Variants in PIGN observed in about 807,000 individuals in gnomAD.
PIGN encodes the protein GPI ethanolamine phosphate transferase 1.
A neutral mutation model predicts 125.4 loss-of-function variants in PIGN; 117 were observed. That is an observed-to-expected ratio of 0.93 (90% CI 0.80 to 1.09). The LOEUF (loss-of-function observed/expected upper bound fraction) is 1.09, where lower values mean the gene tolerates loss of function less well. Among genes scored for constraint, PIGN ranks in the 50% least tolerant of loss-of-function variants. PIGN has a pLI of 0.00. For missense variants in PIGN, 1,075 were observed against 1,094.9 expected (o/e 0.98, Z 0.26); for synonymous variants, 392 against 377.8 (o/e 1.04, Z -0.44).
intron 11 of PIGN, among the ~76,000 whole-genome samples, chr18:62,142,798 T>C (rs2036185019): frequency 2.0e-5 from 3 of 152,264 alleles, no homozygotes; most frequent in Admixed American, 2.0e-4. Context: ...GATCTAACTT[T>C]ATCAGATTGG....
intron 17 of PIGN, among the ~76,000 whole-genome samples, chr18:62,109,414 G>C (rs1402560112): frequency 6.6e-6 from 1 of 152,166 alleles, no homozygotes; most frequent in African/African-American, 2.4e-5. Flanking sequence ...CAATCGCTAG[G>C]AAAGGAGGAG....
chr18:62,161,106 T>C lies in PIGN; in HGVS notation c.221+27A>G, dbSNP rs760786621. On this transcript the variant is annotated intron_variant, in intron 4 of 30. Coordinates refer to ENST00000640252, the MANE Select transcript of PIGN (RefSeq NM_176787.5). ...TAACTCAGAATAACATTTTAAGAGA[T>C]GTCTCTGTATCAGTTTACATGCTTA... 1.3e-5 allele frequency: 18 copies of C among 1,411,296 alleles called. No homozygotes were observed. The South Asian group carries it at 1.3e-4, about 10-fold the overall frequency. The allele number at this position is 1,411,296 out of a possible 1,614,324, so 87.4% of individuals were successfully genotyped here.
chr18:62,166,833 C>T (rs916656403), intron 1 of PIGN, among the ~76,000 whole-genome samples: 1 of 152,086 alleles, frequency 6.6e-6, no homozygotes, highest in African/African-American at 2.4e-5. Flanking sequence ...TGTTCTCACT[C>T]GTGAGAGTTA....
In PIGN at chr18:62,146,779, G is replaced by A. The variant is rs937682814; in HGVS notation, c.805+192C>T. ...GTCATTTGTAAATGAGAATATATTC[G>A]TTTTTTAGTTAGAGAAAATATTTTT... On this transcript the variant is annotated intron_variant, in intron 9 of 30. Coordinates refer to ENST00000640252, the MANE Select transcript of PIGN (RefSeq NM_176787.5). 5.3e-5 allele frequency among the ~76,000 whole-genome samples: 8 copies of A among 152,002 alleles called. No individual in the cohort carries two copies. The South Asian group carries it at 6.2e-4, about 12-fold the overall frequency.
At position 62,143,294 on chromosome 18, in the gene PIGN, C is replaced by T. The variant is rs138653837; in HGVS notation, c.963+12G>A. ...AAATTAAATTTGAATGTAATAAAAT[C>T]GAACTGGATACCTGATTGACATCTA... On this transcript the variant is annotated intron_variant, in intron 11 of 30. Coordinates refer to ENST00000640252, the MANE Select transcript of PIGN (RefSeq NM_176787.5). The T allele has an allele frequency of 3.5e-5, 50 of 1,423,080 alleles. No individual in the cohort carries two copies. Among genetic ancestry groups the T allele is most frequent in the Non-Finnish European group, 4.2e-5 (43 of 1,027,416 alleles). 88.2% of individuals were successfully genotyped at this position (1,423,080 alleles called of 1,614,324 possible).
At chr18:62,024,105 G>A (rs2030086274) in intron 23 of PIGN, among the ~76,000 whole-genome samples, 1 of 152,160 alleles carries the variant, frequency 6.6e-6, no homozygotes, top group Non-Finnish European at 1.5e-5. Flanking sequence ...AAAGAGTTTG[G>A]CATCTAGGTA....
At chr18:62,040,868 A>C (rs1256740532), downstream of PIGN, among the ~76,000 whole-genome samples, 1 of 152,212 alleles carries the variant, frequency 6.6e-6, no homozygotes, top group Non-Finnish European at 1.5e-5. Context: ...AGTCAAATTC[A>C]CTGAACATTA....
intron 1 of PIGN, among the ~76,000 whole-genome samples, chr18:62,182,691 T>A (rs893395094): frequency 6.6e-6 from 1 of 152,208 alleles, no homozygotes; most frequent in Admixed American, 6.5e-5. Context: ...GCTTTTCTTT[T>A]TTCAAAAGAA....
At chr18:62,018,052 GA>G (rs948746345) in intron 23 of PIGN, among the ~76,000 whole-genome samples, 2 of 152,194 alleles carry the variant, frequency 1.3e-5, no homozygotes, top group Non-Finnish European at 2.9e-5. Flanking sequence ...CTTGAGAGAA[GA>G]ACAGTCAGAG....
intron 30 of PIGN, among the ~76,000 whole-genome samples, chr18:62,061,994 T>C (rs1159489393): frequency 1.3e-5 from 2 of 152,182 alleles, no homozygotes; most frequent in Non-Finnish European, 2.9e-5. Flanking sequence ...GAACCACTCC[T>C]GCCCATTAGA....
chr18:62,156,577 T>C (rs2036742956), intron 6 of PIGN, among the ~76,000 whole-genome samples: 1 of 152,166 alleles, frequency 6.6e-6, no homozygotes, highest in South Asian at 2.1e-4. Context: ...GTGATCCACC[T>C]GCCTCAGCCT....
At chr18:62,080,300 C>A (rs2033387303) in intron 28 of PIGN, among the ~76,000 whole-genome samples, 1 of 152,180 alleles carries the variant, frequency 6.6e-6, no homozygotes, top group South Asian at 2.1e-4. Context: ...TTCTCAGCGG[C>A]CTTCTAATCT....
chr18:62,063,263 A>ATCCAAAATCTAT lies in PIGN; in HGVS notation c.2672+9409_2672+9410insATAGATTTTGGA, dbSNP rs1568132052. On this transcript the variant is annotated intron_variant, in intron 30 of 30. Transcript: ENST00000640252. Reference sequence around the variant, plus strand: ...CAAAATCTATGGTTTTATAGATTTTAGCCAAAATCTATGGTTTTATAGATT... The same window carrying ATCCAAAATCTAT: ...CAAAATCTATGGTTTTATAGATTTTATCCAAAATCTATGCCAAAATCTATGGTTTTATAGATT... Among the ~76,000 whole-genome samples the ATCCAAAATCTAT allele has an allele frequency of 8.5e-3, 1,258 of 148,874 alleles. 3 individuals are homozygous for ATCCAAAATCTAT. The highest frequency in any genetic ancestry group is 0.015 in the African/African-American group (599 of 40,150).
intron 23 of PIGN, among the ~76,000 whole-genome samples, chr18:62,035,529 A>T (rs1037435397): frequency 6.6e-6 from 1 of 152,098 alleles, no homozygotes; most frequent in African/African-American, 2.4e-5. Flanking sequence ...TTACTTTTTT[A>T]TCTTTTTTTT....
intron 1 of PIGN, among the ~76,000 whole-genome samples, chr18:62,182,194 C>G (rs1465154337): frequency 2.0e-5 from 3 of 152,198 alleles, no homozygotes; most frequent in Non-Finnish European, 2.9e-5. Context: ...TCTATACTTT[C>G]TATCCTGGCA....
chr18:62,124,731 C>T (rs2035438887), intron 14 of PIGN, among the ~76,000 whole-genome samples: 2 of 152,110 alleles, frequency 1.3e-5, no homozygotes, highest in Admixed American at 6.6e-5. Flanking sequence ...CTCCAACATG[C>T]TTTGAAATTT....
chr18:62,173,039 T>C (rs1434406488), intron 1 of PIGN, among the ~76,000 whole-genome samples: 1 of 152,212 alleles, frequency 6.6e-6, no homozygotes, highest in Non-Finnish European at 1.5e-5. Flanking sequence ...AAAATCAACC[T>C]GTAAATAGTT....
chr18:62,160,698 G>A (rs770721737), intron 4 of PIGN, among the ~76,000 whole-genome samples: 3 of 151,978 alleles, frequency 2.0e-5, no homozygotes, highest in Non-Finnish European at 4.4e-5. Flanking sequence ...TAGTAGAAAC[G>A]GGGTTTCTCC....
intron 23 of PIGN, among the ~76,000 whole-genome samples, chr18:62,094,532 GT>G (rs1259217880): frequency 2.6e-5 from 4 of 152,054 alleles, no homozygotes; most frequent in African/African-American, 9.7e-5. Flanking sequence ...CTTGTGCATA[GT>G]TGAATTCATT....
Sources: gnomAD v4.1 joint callset for allele counts (sites outside exome capture counted in the v4.1 genomes callset) on GRCh38, gnomAD v4.1.1 for gene constraint, MANE v1.5 for transcripts, NCBI Gene and HGNC (gene_info 2026-07-23, HGNC 2026-07-21) for gene names.